The following TEX15 variants were observed in gnomAD, a reference collection of about 807,000 sequenced individuals.
TEX15 encodes the protein testis expressed 15, meiosis and synapsis associated.
TEX15 carries 171 observed loss-of-function variants against 237.3 expected under a neutral mutation model. That is an observed-to-expected ratio of 0.72 (90% CI 0.64 to 0.82). The LOEUF (loss-of-function observed/expected upper bound fraction) is 0.82. TEX15 is among the 40% of genes least tolerant of loss of function. TEX15 has a pLI of 0.00. For missense variants in TEX15, 3,750 were observed against 3,646.5 expected, an observed-to-expected ratio of 1.03 and a Z score of -0.73; for synonymous variants, 1,338 against 1,269.8, an observed-to-expected ratio of 1.05 and a Z score of -1.14.
chr8:30,870,753 A>G (rs1808275657), intron 4 of TEX15, among the ~76,000 whole-genome samples: 1 of 152,106 alleles, frequency 6.6e-6, no homozygotes, highest in Non-Finnish European at 1.5e-5. Flanking sequence ...ACCCAACTCC[A>G]GATGTAAGAC....
intron 8 of TEX15, 71 bp from the exon 9 acceptor site, chr8:30,840,035 AAT>A: frequency 1.1e-6 from 1 of 890,988 alleles, no homozygotes. Context: ...TTATTATTTC[AAT>A]ATTAGATATT....
chr8:30,851,957 T>TAA (rs1270264501), intron 7 of TEX15, among the ~76,000 whole-genome samples: 11 of 152,036 alleles, frequency 7.2e-5, no homozygotes, highest in Admixed American at 7.2e-4. Flanking sequence ...AAAAAAACCC[T>TAA]AACTGCTTAA....
At position 30,838,050 on chromosome 8, in the gene TEX15, G is replaced by A; in HGVS notation, c.8234C>T (p.Ser2745Phe). 1 of 1,611,022 alleles carries A rather than the reference G, an allele frequency of 6.2e-7. No homozygotes were observed. The highest frequency in any genetic ancestry group is 8.5e-7 in the Non-Finnish European group (1 of 1,179,048). ...ATFKHPRTTG[S>F]HPKSENKIVP... ...TATTTTGTTTTCGCTTTTGGGATGA[G>A]ATCCTGTAGTCCTATTAGGTGCAAC... The change falls in exon 10 of 11, where the codon TCT (serine) becomes TTT (phenylalanine). Residue 2745 changes from serine (S) to phenylalanine (F), a missense_variant. Physicochemically the swap from Ser to Phe is radical, Grantham distance 155. Coordinates refer to ENST00000643185, the MANE Select transcript of TEX15 (RefSeq NM_001350162.2).
chr8:30,846,063 T>A lies in TEX15; in HGVS notation c.4104A>T (p.Ala1368=). ...AAAGACATTTGCTTTTACATAAAGA[T>A]GCTTCATCACTTAGGATATTTAGGA... The part of the protein sequence containing the change: ...KSVLNILSDE[A]SLCKSKCLSR... The change falls in exon 8 of 11, where the codon GCA becomes GCT. Residue 1368 remains alanine, a synonymous_variant. Transcript: ENST00000643185. 1 of 1,613,452 alleles carries A rather than the reference T, an allele frequency of 6.2e-7. No homozygotes were observed. Among genetic ancestry groups the A allele is most frequent in the Non-Finnish European group, 8.5e-7 (1 of 1,179,610 alleles).
chr8:30,864,285 TAA>T (rs113313825), intron 5 of TEX15, among the ~76,000 whole-genome samples: 67 of 122,002 alleles, frequency 5.5e-4, no homozygotes, highest in African/African-American at 9.3e-4. Context: ...GAAAAAAGAC[TAA>T]AAAAAAAAAA....
chr8:30,884,285 T>C (rs1053579527), intron 3 of TEX15, among the ~76,000 whole-genome samples: 1 of 152,268 alleles, frequency 6.6e-6, no homozygotes, highest in Non-Finnish European at 1.5e-5. Flanking sequence ...GAGCTTTTCT[T>C]GGCTCTGTAG....
intron 9 of TEX15, among the ~76,000 whole-genome samples, chr8:30,839,564 A>C (rs183879790): frequency 3.0e-4 from 45 of 152,220 alleles, no homozygotes; most frequent in African/African-American, 1.0e-3. Flanking sequence ...TAAAGATATA[A>C]ATTTTTCTTT....
intron 7 of TEX15, among the ~76,000 whole-genome samples, chr8:30,857,216 T>C (rs555537035): frequency 3.3e-5 from 5 of 152,280 alleles, no homozygotes; most frequent in Non-Finnish European, 7.4e-5. Flanking sequence ...CAATAAACTG[T>C]ACTGAGACAA....
chr8:30,833,740 A>G (rs1251822303), intron 10 of TEX15, among the ~76,000 whole-genome samples: 2 of 152,148 alleles, frequency 1.3e-5, no homozygotes, highest in African/African-American at 4.8e-5. Flanking sequence ...ATTTCTGTGG[A>G]TTATTTACAC....
chr8:30,840,254 G>T (rs147630460), intron 8 of TEX15, among the ~76,000 whole-genome samples: 154 of 151,526 alleles, frequency 1.0e-3, no homozygotes, highest in African/African-American at 3.2e-3. Flanking sequence ...GAAGTGCAGT[G>T]ATGCGATATT....
intron 7 of TEX15, among the ~76,000 whole-genome samples, chr8:30,849,695 G>T (rs1318922485): frequency 6.6e-6 from 1 of 152,052 alleles, no homozygotes; most frequent in East Asian, 1.9e-4. Flanking sequence ...GAGGTCAGGA[G>T]TTCGAGACCA....
At position 30,846,452 on chromosome 8, in the gene TEX15, G is replaced by A. The variant is rs1429321372; in HGVS notation, c.3715C>T (p.Leu1239Phe). Residue 1239 changes from leucine (L) to phenylalanine (F), a missense_variant, in exon 8 of 11, where the codon CTT becomes TTT. By Grantham distance (22) the Leu-to-Phe change is conservative (BLOSUM62 0). Coordinates refer to ENST00000643185, the MANE Select transcript of TEX15 (RefSeq NM_001350162.2). ...GTATTACGACTCAAGTCAAAAGAAA[G>A]GGAGATTTCAGAGTTACTCACTGGC... ...SGPVSNSEISLSFDLSRNTDV... is the reference protein window; with the variant it reads ...SGPVSNSEISFSFDLSRNTDV... The A allele has an allele frequency of 1.9e-6, 3 of 1,613,084 alleles. No homozygotes were observed. The highest frequency in any genetic ancestry group is 1.7e-6 in the Non-Finnish European group (2 of 1,179,700).
At chr8:30,879,631 A>T (rs73570246) in intron 3 of TEX15, among the ~76,000 whole-genome samples, 5,406 of 152,310 alleles carry the variant, frequency 0.035, 278 homozygotes, top group African/African-American at 0.12. Flanking sequence ...TGTTCCACAG[A>T]TCTGTGTGTC....
chr8:30,835,308 G>A (rs1397413204), intron 10 of TEX15, among the ~76,000 whole-genome samples: 1 of 152,050 alleles, frequency 6.6e-6, no homozygotes, highest in Non-Finnish European at 1.5e-5. Context: ...GTTTCGCCAT[G>A]TTTTGCCTCA....
rs748375204 is a variant in TEX15 at position 30,842,056 on chromosome 8, T to C, written c.8111A>G (p.Asp2704Gly). 6.2e-7 allele frequency: 1 copy of C among 1,611,092 alleles called. No individual in the cohort carries two copies. Among genetic ancestry groups the C allele is most frequent in the Non-Finnish European group, 8.5e-7 (1 of 1,179,302 alleles). ...AGTATCTTGCTGTTGTTCCTGAGAG[T>C]CTTCACATTTGTCTACAGTGCTCGG... ...KRPSTVDKCE[D>G]SQEQQQDTTV... The change falls in exon 8 of 11, where the codon GAC becomes GGC. Residue 2704 changes from aspartate to glycine, a missense_variant. Transcript: ENST00000643185.
chr8:30,888,440 A>G (rs1024069835), intron 2 of TEX15, among the ~76,000 whole-genome samples: 1 of 152,116 alleles, frequency 6.6e-6, no homozygotes, highest in Non-Finnish European at 1.5e-5. Flanking sequence ...AAATATTGCT[A>G]TACCAGAAGT....
intron 5 of TEX15, among the ~76,000 whole-genome samples, chr8:30,861,666 A>G (rs1477136340): frequency 2.6e-5 from 4 of 152,186 alleles, no homozygotes; most frequent in South Asian, 2.1e-4. Flanking sequence ...TGCATTATAT[A>G]TAAGAGCTCT....
At chr8:30,880,876 A>G (rs1249765485) in intron 3 of TEX15, among the ~76,000 whole-genome samples, 1 of 151,254 alleles carries the variant, frequency 6.6e-6, no homozygotes, top group Non-Finnish European at 1.5e-5. Context: ...TTATGTTTTC[A>G]TCGTATCCAG....
Position 30,849,101 on chromosome 8 carries a change from T to G in TEX15, c.1066A>C (p.Thr356Pro), listed in dbSNP as rs757299108. Residue 356 changes from threonine to proline, a missense_variant, in exon 8 of 11, where the codon ACA (threonine) becomes CCA (proline). Coordinates refer to ENST00000643185, the MANE Select transcript of TEX15 (RefSeq NM_001350162.2). ...CTGTGCTCTGTCTGTCCACTGTATG[T>G]TTCAGGTATAGAAATGTTTCCATTT... ...VQNGNISIPE[T>P]YSGQTEHSLA... 6.2e-7 allele frequency: 1 copy of G among 1,611,228 alleles called. No homozygotes were observed. The highest frequency in any genetic ancestry group is 1.3e-5 in the African/African-American group (1 of 75,008).
Sources: gnomAD v4.1 joint callset for allele counts (sites outside exome capture counted in the v4.1 genomes callset) on GRCh38, gnomAD v4.1.1 for gene constraint, MANE v1.5 for transcripts, NCBI Gene and HGNC (gene_info 2026-07-23, HGNC 2026-07-21) for gene names.